The following KIF7 variants were observed in gnomAD, a reference collection of about 807,000 sequenced individuals.
KIF7 encodes kinesin-like protein KIF7.
In KIF7, 104 loss-of-function variants were observed where a neutral mutation model predicts 135.7. That is an observed-to-expected ratio of 0.77 (90% CI 0.65 to 0.90). KIF7 has a LOEUF of 0.90. Ranked by LOEUF, KIF7 falls within the 40% of genes least tolerant of loss-of-function variation. The pLI, the probability that KIF7 is intolerant of heterozygous loss-of-function variation, is 0.00. For missense variants in KIF7, 2,005 were observed against 1,839.1 expected (o/e 1.09, Z -1.65); for synonymous variants, 883 against 809.4 (o/e 1.09, Z -1.54).
In KIF7 at chr15:89,633,669, C is replaced by G; in HGVS notation, c.2592+17G>C. 1 of 1,604,358 alleles carries G rather than the reference C, an allele frequency of 6.2e-7. No individual in the cohort carries two copies. Among genetic ancestry groups the G allele is most frequent in the Non-Finnish European group, 8.5e-7 (1 of 1,179,320 alleles). ...ATTGGCCTGGACAGAAGGTCCCCAC[C>G]CTGCCGTGAGCCTGACCTTGACGCG... On this transcript the variant is annotated intron_variant, in intron 12 of 18. Transcript: ENST00000394412.
In KIF7 at chr15:89,633,121, C is replaced by A; in HGVS notation, c.2718+20G>T. On this transcript the variant is annotated intron_variant, in intron 13 of 18. Coordinates refer to ENST00000394412, the MANE Select transcript of KIF7 (RefSeq NM_198525.3). ...CCAGCCCCCAGGGGAGCCCTGGGTG[C>A]GGACACAGCCTGGCCCCACCTGCTG... 1 of 1,601,516 alleles carries A rather than the reference C, an allele frequency of 6.2e-7. No homozygotes were observed. The highest frequency in any genetic ancestry group is 2.2e-5 in the East Asian group (1 of 44,860).
In KIF7 at chr15:89,633,089, C is replaced by T. The variant is rs554945089; in HGVS notation, c.2718+52G>A. On this transcript the variant is annotated intron_variant, in intron 13 of 18. Transcript: ENST00000394412. Reference sequence around the variant, plus strand: ...AGGTTCACTGGGGAGAAAGGTGCACCCACCAGCCAGCCCCCAGGGGAGCCC... The same window carrying T: ...AGGTTCACTGGGGAGAAAGGTGCACTCACCAGCCAGCCCCCAGGGGAGCCC... The T allele has an allele frequency of 1.9e-6, 3 of 1,600,636 alleles. No individual in the cohort carries two copies. In the Admixed American group the frequency reaches 5.0e-5, roughly 27 times the overall value.
chr15:89,650,035 G>T, intron 2 of KIF7, 94 bp from the exon 3 acceptor site: 1 of 1,288,526 alleles, frequency 7.8e-7, no homozygotes, highest in Non-Finnish European at 1.1e-6. Context: ...CAGAGCTGGA[G>T]GATGGTGCTC....
At chr15:89,624,554 C>T (rs147996112), downstream of KIF7, 327 of 1,613,616 alleles carry the variant, frequency 2.0e-4, no homozygotes, top group Non-Finnish European at 2.6e-4. Flanking sequence ...GACAGCCCAG[C>T]TGCCCCCACA....
chr15:89,639,852 T>C (rs924144342), intron 11 of KIF7, among the ~76,000 whole-genome samples: 9 of 152,264 alleles, frequency 5.9e-5, no homozygotes, highest in African/African-American at 1.9e-4. Flanking sequence ...TGTATGTTTA[T>C]TGTGGCATTA....
intron 11 of KIF7, 129 bp from the exon 12 acceptor site, chr15:89,634,012 A>C: frequency 3.1e-6 from 3 of 966,964 alleles, no homozygotes; most frequent in Non-Finnish European, 3.2e-6. Flanking sequence ...AATAATAATA[A>C]CAGAGGCCGG....
Position 89,652,608 on chromosome 15 carries a change from C to A in KIF7, c.323G>T (p.Ser108Ile). 6.6e-7 allele frequency: 1 copy of A among 1,522,306 alleles called. No individual in the cohort carries two copies. The highest frequency in any genetic ancestry group is 8.9e-7 in the Non-Finnish European group (1 of 1,126,082). The allele number at this position is 1,522,306 out of a possible 1,614,324, so 94.3% of individuals were successfully genotyped here. A position where few individuals can be genotyped will look rare whatever the true frequency, so the allele number is the denominator to read the frequency against. ...SGKTYTMGEA[S>I]VASLLEDEQG... ...CCACGAACAGGGTCACTCACCCACACTGGCCTCCCCCATGGTGTATGTCTT... is the reference window on the plus strand; with the variant it reads ...CCACGAACAGGGTCACTCACCCACAATGGCCTCCCCCATGGTGTATGTCTT... Residue 108 changes from serine to isoleucine, a missense_variant, in exon 2 of 19, where the codon AGT (serine) becomes ATT (isoleucine). By Grantham distance (142) the Ser-to-Ile change is moderately radical. Coordinates refer to ENST00000394412, the MANE Select transcript of KIF7 (RefSeq NM_198525.3).
At position 89,628,109 on chromosome 15, in the gene KIF7, C is replaced by G. The variant is rs980679168; in HGVS notation, c.*310G>C. ...CCTTTCGTGATGATTCTTGGCCAAA[C>G]CCCTGAACTACAAGCACATCCATTT... On this transcript the variant is annotated 3_prime_UTR_variant, in exon 19 of 19. Coordinates refer to ENST00000394412, the MANE Select transcript of KIF7 (RefSeq NM_198525.3). The G allele has an allele frequency of 3.1e-6, 1 of 319,722 alleles. No homozygotes were observed. Among genetic ancestry groups the G allele is most frequent in the Non-Finnish European group, 5.7e-6 (1 of 175,658 alleles). 19.8% of individuals were successfully genotyped at this position (319,722 alleles called of 1,614,324 possible).
rs745638889 is a variant in KIF7 at position 89,633,784 on chromosome 15, G to A, written c.2494C>T (p.Arg832Trp). The A allele has an allele frequency of 5.2e-5, 83 of 1,611,524 alleles. No individual in the cohort carries two copies. The highest frequency in any genetic ancestry group is 2.4e-4 in the South Asian group (22 of 91,076). Reference sequence around the variant, plus strand: ...CTCTGCAGCTGTCCCTGCTGCTGCCGCATGAGCTGCACGTTCCGCTCGAGC... The same window carrying A: ...CTCTGCAGCTGTCCCTGCTGCTGCCACATGAGCTGCACGTTCCGCTCGAGC... The part of the protein sequence containing the change: ...QELERNVQLM[R>W]QQQGQLQRRL... The change falls in exon 12 of 19, where the codon CGG becomes TGG. Residue 832 changes from arginine (R) to tryptophan (W), a missense_variant. Coordinates refer to ENST00000394412, the MANE Select transcript of KIF7 (RefSeq NM_198525.3).
At chr15:89,635,261 G>A (rs1963780773) in intron 11 of KIF7, among the ~76,000 whole-genome samples, 1 of 152,218 alleles carries the variant, frequency 6.6e-6, no homozygotes, top group Non-Finnish European at 1.5e-5. Flanking sequence ...ACTCTAAAAA[G>A]CGGAGCGCCT....
Position 89,628,453 on chromosome 15 carries a change from G to A in KIF7, c.3998C>T (p.Pro1333Leu), listed in dbSNP as rs145726393. 1.6e-5 allele frequency: 25 copies of A among 1,609,876 alleles called. No homozygotes were observed. Among genetic ancestry groups the A allele is most frequent in the East Asian group, 2.2e-5 (1 of 44,802 alleles). The change falls in exon 19 of 19, where the codon CCG becomes CTG. Residue 1333 changes from proline (P) to leucine (L), a missense_variant. Physicochemically the swap from Pro to Leu is moderately conservative, Grantham distance 98. Coordinates refer to ENST00000394412, the MANE Select transcript of KIF7 (RefSeq NM_198525.3). ...KPRRELRRASPGMIDVRKNPL is the reference protein window; with the variant it reads ...KPRRELRRASLGMIDVRKNPL ...GTTTTTCCGGACATCAATCATCCCC[G>A]GGCTGGCTCGTCGCAGTTCCCGCCG...
At chr15:89,627,072 C>T, downstream of KIF7, 1 of 1,614,088 alleles carries the variant, frequency 6.2e-7, no homozygotes, top group South Asian at 1.1e-5. Context: ...GGGAACCTGG[C>T]TGGAGGACTT....
At chr15:89,628,852 C>T in intron 18 of KIF7, 66 bp from the exon 19 acceptor site, 1 of 1,610,824 alleles carries the variant, frequency 6.2e-7, no homozygotes, top group East Asian at 2.2e-5. Flanking sequence ...GCCCTAGCTC[C>T]CCAGTGCCCC....
intron 10 of KIF7, 21 bp downstream of exon 10, chr15:89,644,992 C>T: frequency 1.2e-6 from 2 of 1,606,586 alleles, no homozygotes; most frequent in African/African-American, 2.7e-5. Context: ...GTGAGAGGCC[C>T]ACCTGATGCC....
At chr15:89,643,185 G>A (rs1300088325) in intron 10 of KIF7, among the ~76,000 whole-genome samples, 9 of 152,142 alleles carry the variant, frequency 5.9e-5, no homozygotes, top group African/African-American at 2.2e-4. Flanking sequence ...CCACACCCAT[G>A]GGTTCAACCA....
chr15:89,650,016 G>T, intron 2 of KIF7, 75 bp from the exon 3 acceptor site: 1 of 1,426,182 alleles, frequency 7.0e-7, no homozygotes, highest in Non-Finnish European at 9.6e-7. Context: ...GAAGCTCATA[G>T]GCCCCTGCCA....
downstream of KIF7, chr15:89,624,916 G>T: frequency 1.2e-6 from 2 of 1,614,064 alleles, no homozygotes; most frequent in Non-Finnish European, 1.7e-6. Context: ...ACAGTGCCAG[G>T]CTTCGGCACA....
At chr15:89,661,807 C>T in the KIF7 span, among the ~76,000 whole-genome samples, 14 of 152,050 alleles carry the variant, frequency 9.2e-5, no homozygotes, top group African/African-American at 1.4e-4. Flanking sequence ...CTGCAACCTC[C>T]GCCTTCTGGT....
chr15:89,644,643 C>T (rs2142020872), intron 10 of KIF7, among the ~76,000 whole-genome samples: 1 of 152,252 alleles, frequency 6.6e-6, no homozygotes, highest in Middle Eastern at 3.4e-3. Flanking sequence ...CAAGATCACG[C>T]CACTGCACTC....
Sources: allele counts gnomAD v4.1 joint callset (sites outside exome capture counted in the v4.1 genomes callset), GRCh38; gene constraint gnomAD v4.1.1; transcripts MANE v1.5; gene names NCBI Gene and HGNC (gene_info 2026-07-23, HGNC 2026-07-21).